Variants in MOBP observed in about 807,000 individuals in gnomAD.
The protein encoded by MOBP is myelin-associated oligodendrocyte basic protein.
A neutral mutation model predicts 15.0 loss-of-function variants in MOBP; 5 were observed. That is an observed-to-expected ratio of 0.33 (90% CI 0.17 to 0.70). The LOEUF (loss-of-function observed/expected upper bound fraction) is 0.70, where lower values mean the gene tolerates loss of function less well. Among genes scored for constraint, MOBP ranks in the 30% least tolerant of loss-of-function variants. MOBP has a pLI of 0.67. For synonymous variants in MOBP, 88 were observed against 99.0 expected (o/e 0.89, Z 0.66); for missense variants, 188 against 257.8 (o/e 0.73, Z 1.85).
downstream of MOBP, among the ~76,000 whole-genome samples, chr3:39,503,788 C>G (rs1413918900): frequency 6.6e-6 from 1 of 152,058 alleles, no homozygotes; most frequent in Non-Finnish European, 1.5e-5. Context: ...TTGAGATTCT[C>G]ATATCTACTC....
intron 2 of MOBP, among the ~76,000 whole-genome samples, chr3:39,492,479 G>A (rs2042812774): frequency 6.6e-6 from 1 of 152,202 alleles, no homozygotes; most frequent in Admixed American, 6.5e-5. Flanking sequence ...TAAATTTAGA[G>A]TTTTGGTTGC....
chr3:39,516,512 C>T (rs73826464), downstream of MOBP, among the ~76,000 whole-genome samples: 1,019 of 152,164 alleles, frequency 6.7e-3, 8 homozygotes, highest in African/African-American at 0.021. Flanking sequence ...GTTTTGATTT[C>T]CTCTGTAAAG....
Position 39,492,791 on chromosome 3 carries a change from G to A in MOBP, c.-4-9275G>A, listed in dbSNP as rs553466124. Among the ~76,000 whole-genome samples the A allele has an allele frequency of 3.3e-5, 5 of 152,262 alleles. No homozygotes were observed. The East Asian group carries it at 7.7e-4, about 23-fold the overall frequency. On this transcript the variant is annotated intron_variant, in intron 2 of 3. Coordinates refer to ENST00000684792, the MANE Select transcript of MOBP (RefSeq NM_001393704.1). ...CTCACATAGGGTTCAGGTCCTGGGT[G>A]CACAGTCAAGGTCAAAGCTTGTCTC...
At chr3:39,487,038 T>A (rs2042720418) in intron 2 of MOBP, among the ~76,000 whole-genome samples, 1 of 151,162 alleles carries the variant, frequency 6.6e-6, no homozygotes, top group East Asian at 2.0e-4. Flanking sequence ...ACTCCCAGGC[T>A]CAAGAGATCC....
chr3:39,486,018 T>G (rs2042702354), intron 2 of MOBP, among the ~76,000 whole-genome samples: 1 of 152,256 alleles, frequency 6.6e-6, no homozygotes, highest in African/African-American at 2.4e-5. Context: ...TTGGAATATT[T>G]TCTTCTATAC....
intron 4 of MOBP, among the ~76,000 whole-genome samples, chr3:39,510,259 A>T (rs778590764): frequency 2.0e-5 from 3 of 152,100 alleles, no homozygotes; most frequent in Non-Finnish European, 4.4e-5. Flanking sequence ...GTTAGTGTGA[A>T]TTCTCCAACA....
downstream of MOBP, among the ~76,000 whole-genome samples, chr3:39,503,708 C>A (rs1559424971): frequency 2.0e-5 from 3 of 151,160 alleles, no homozygotes. Flanking sequence ...TATCAGCATG[C>A]CAACTTTTTA....
chr3:39,503,146 T>C (rs62243409), downstream of MOBP: 23,538 of 446,638 alleles, frequency 0.053, 831 homozygotes, highest in Admixed American at 0.1. Context: ...ATTGAGATTA[T>C]TGACCATGGT....
At chr3:39,469,560 AGCCTCCTTTAGTCTG>A (rs1292997810) in intron 1 of MOBP, among the ~76,000 whole-genome samples, 1 of 152,086 alleles carries the variant, frequency 6.6e-6, no homozygotes, top group African/African-American at 2.4e-5. Context: ...CTGTCCCCTC[AGCCTCCTTTAGTCTG>A]GAACCACACC....
intron 1 of MOBP, among the ~76,000 whole-genome samples, chr3:39,468,825 AC>A (rs1437359197): frequency 1.8e-5 from 2 of 114,276 alleles, no homozygotes; most frequent in African/African-American, 5.2e-5. Context: ...TATACATATT[AC>A]ATATGTGTGT....
At chr3:39,497,268 G>A (rs979671982) in intron 2 of MOBP, among the ~76,000 whole-genome samples, 4 of 152,180 alleles carry the variant, frequency 2.6e-5, no homozygotes, top group Non-Finnish European at 5.9e-5. Flanking sequence ...CCCTTCTGGC[G>A]CTGGCAGAGA....
chr3:39,490,887 A>G (rs902306289), intron 2 of MOBP, among the ~76,000 whole-genome samples: 1 of 152,066 alleles, frequency 6.6e-6, no homozygotes, highest in East Asian at 1.9e-4. Flanking sequence ...TTTTCTAATC[A>G]TTTGAAGGCA....
chr3:39,499,915 G>A (rs2042945103), intron 2 of MOBP: 1 of 418,196 alleles, frequency 2.4e-6, no homozygotes, highest in Admixed American at 2.5e-5. Context: ...AAATGCCTCT[G>A]CCCATGAAGT....
At chr3:39,517,500 GT>G (rs942683316), downstream of MOBP, among the ~76,000 whole-genome samples, 7 of 152,150 alleles carry the variant, frequency 4.6e-5, no homozygotes. Context: ...CAAAAGTAAT[GT>G]TTAGTGTCTA....
chr3:39,496,966 C>T (rs916580159), intron 2 of MOBP, among the ~76,000 whole-genome samples: 1 of 152,048 alleles, frequency 6.6e-6, no homozygotes, highest in Non-Finnish European at 1.5e-5. Context: ...CCCGGCCTGG[C>T]TAATTTTTAT....
intron 2 of MOBP, among the ~76,000 whole-genome samples, chr3:39,491,621 C>T (rs1321427508): frequency 6.6e-6 from 1 of 152,136 alleles, no homozygotes; most frequent in Non-Finnish European, 1.5e-5. Context: ...CATTGAGTTT[C>T]CTCTATGGTG....
rs1323634117 is a variant in MOBP, at chr3:39,502,616, G to A, written c.288G>A (p.Lys96=). The part of the protein sequence containing the change: ...APPAVVRAPA[K]PRSPPRSERQ... ...CCGCGGTGGTCAGAGCGCCAGCCAA[G>A]CCACGGTCCCCTCCGAGGTCTGAGC... Residue 96 remains lysine, a synonymous_variant, in exon 4 of 4, where the codon AAG becomes AAA. Coordinates refer to ENST00000684792, the MANE Select transcript of MOBP (RefSeq NM_001393704.1). The surrounding 1 kb of genome is among the most constrained non-coding windows in gnomAD (Gnocchi z 6.3). 8.3e-6 allele frequency: 13 copies of A among 1,560,690 alleles called. No homozygotes were observed. Among genetic ancestry groups the A allele is most frequent in the Admixed American group, 1.9e-5 (1 of 53,862 alleles).
At chr3:39,486,739 G>C (rs1157436627) in intron 2 of MOBP, among the ~76,000 whole-genome samples, 1 of 152,054 alleles carries the variant, frequency 6.6e-6, no homozygotes, top group African/African-American at 2.4e-5. Context: ...GGTCATCCAT[G>C]ACTTCCTCCT....
chr3:39,471,087 A>G (rs1489413201), intron 1 of MOBP, among the ~76,000 whole-genome samples: 1 of 151,956 alleles, frequency 6.6e-6, no homozygotes, highest in Non-Finnish European at 1.5e-5. Context: ...AAATGTAACA[A>G]TCTCATTTTT....
Sources: allele counts gnomAD v4.1 joint callset (sites outside exome capture counted in the v4.1 genomes callset), GRCh38; gene constraint gnomAD v4.1.1; non-coding constraint Gnocchi (gnomAD v3.1); transcripts MANE v1.5; gene names NCBI Gene and HGNC (gene_info 2026-07-23, HGNC 2026-07-21).